PPP1R12B: variants seen among roughly 807,000 people sequenced by gnomAD.
PPP1R12B encodes protein phosphatase 1 regulatory subunit 12B.
Under a neutral mutation model 126.1 loss-of-function variants are expected in PPP1R12B, and 76 were observed. That is an observed-to-expected ratio of 0.60 (90% CI 0.50 to 0.73). The LOEUF (loss-of-function observed/expected upper bound fraction) is 0.73. Ranked by LOEUF, PPP1R12B falls within the 30% of genes least tolerant of loss-of-function variation. The pLI is 0.00. For synonymous variants in PPP1R12B, 356 were observed against 434.7 expected (o/e 0.82, Z 2.25); for missense variants, 1,052 against 1,205.1 (o/e 0.87, Z 1.88).
rs571788448 is a variant in PPP1R12B at position 202,438,996 on chromosome 1, A to G, written c.1458+972A>G. 58 of 1,477,336 alleles carry G rather than the reference A, an allele frequency of 3.9e-5. No individual in the cohort carries two copies. The South Asian group carries it at 5.9e-4, about 15-fold the overall frequency. 91.5% of individuals were successfully genotyped at this position (1,477,336 alleles called of 1,614,324 possible). On this transcript the variant is annotated intron_variant, in intron 10 of 23. Transcript: ENST00000608999. ...GGGCAGGAGCGCATGGCCCTGGCCA[A>G]CCGGAAGCAGGAGTGCGGCAGTGCC...
rs1046215996 is a variant in PPP1R12B, at chr1:202,584,037, T to C, written c.*3477T>C. 3 of 152,208 alleles carry C rather than the reference T, an allele frequency of 2.0e-5. No homozygotes were observed. The highest frequency in any genetic ancestry group is 7.2e-5 in the African/African-American group (3 of 41,452). 9.4% of individuals were successfully genotyped at this position (152,208 alleles called of 1,614,324 possible). A position where few individuals can be genotyped will look rare whatever the true frequency, so the allele number is the denominator to read the frequency against. On this transcript the variant is annotated 3_prime_UTR_variant, in exon 24 of 24. Coordinates refer to ENST00000608999, the MANE Select transcript of PPP1R12B (RefSeq NM_002481.4). ...TCCTTTTCCAGATAGCTCCAGAGTA[T>C]GATGACCCCAGCCCCATCCCAATCT...
chr1:202,422,845 G>A, intron 3 of PPP1R12B, 107 bp downstream of exon 3: 1 of 1,508,838 alleles, frequency 6.6e-7, no homozygotes, highest in Non-Finnish European at 9.0e-7. Flanking sequence ...TGACAGGAGA[G>A]GATTTGATCT....
At position 202,411,677 on chromosome 1, in the gene PPP1R12B, T is replaced by TAAAGGAGATA. The variant is rs1461745010; in HGVS notation, c.292-5109_292-5108insAAGGAGATAA. Among the ~76,000 whole-genome samples, 5 of 152,134 alleles carry TAAAGGAGATA rather than the reference T, an allele frequency of 3.3e-5. 1 individual carries two copies. The South Asian group carries it at 1.0e-3, about 31-fold the overall frequency. The stretch of plus-strand genomic sequence containing the variant: ...AAAGTCAGGAACAATTCCAAGGGCT[T>TAAAGGAGATA]ATCTCCTTTAATCTTTACAAAACCT... On this transcript the variant is annotated intron_variant, in intron 1 of 23. Transcript: ENST00000608999.
chr1:202,388,708 A>G (rs1477312315), intron 1 of PPP1R12B, among the ~76,000 whole-genome samples: 1 of 152,146 alleles, frequency 6.6e-6, no homozygotes, highest in Non-Finnish European at 1.5e-5. Flanking sequence ...GACACTTAGT[A>G]GGCTCCATAG....
intron 12 of PPP1R12B, among the ~76,000 whole-genome samples, chr1:202,446,526 T>A (rs1472747115): frequency 6.7e-6 from 1 of 148,596 alleles, no homozygotes; most frequent in Non-Finnish European, 1.5e-5. Flanking sequence ...CCCAAAGTGC[T>A]AAGATTACAG....
rs1359195565 is a variant in PPP1R12B, at chr1:202,587,029, C to T, written c.*6469C>T. The T allele has an allele frequency of 6.6e-6, 1 of 152,002 alleles. No homozygotes were observed. The highest frequency in any genetic ancestry group is 6.6e-5 in the Admixed American group (1 of 15,266). The allele number at this position is 152,002 out of a possible 1,614,324, so 9.4% of individuals were successfully genotyped here. ...TTGTTTTTCCCCCTCCCTTCTAATC[C>T]CCCAAAGGACCTATTTGAGCTGTTC... On this transcript the variant is annotated 3_prime_UTR_variant, in exon 24 of 24. Transcript: ENST00000608999.
At chr1:202,359,083 A>G (rs1657652290) in intron 1 of PPP1R12B, among the ~76,000 whole-genome samples, 1 of 152,144 alleles carries the variant, frequency 6.6e-6, no homozygotes, top group Non-Finnish European at 1.5e-5. Context: ...ATCTTGTTTC[A>G]TTTATAGATC....
intron 13 of PPP1R12B, among the ~76,000 whole-genome samples, chr1:202,481,911 A>T (rs1677437296): frequency 6.6e-6 from 1 of 151,186 alleles, no homozygotes; most frequent in South Asian, 2.1e-4. Context: ...TCTGGTAACC[A>T]CTGTTCTACT....
chr1:202,496,812 A>G lies in PPP1R12B; in HGVS notation c.2480A>G (p.Lys827Arg), dbSNP rs1679619630. ...GAAACTGATGGCTCTGAAGAGGTCA[A>G]AGAAACGTGGGTAAGTGACAAGCCA... ...EDETDGSEEV[K>R]ETWHERLSRL... The change falls in exon 18 of 24, where the codon AAA (lysine) becomes AGA (arginine). Residue 827 changes from lysine to arginine, a missense_variant. Transcript: ENST00000608999. 6.2e-7 allele frequency: 1 copy of G among 1,612,454 alleles called. No homozygotes were observed. The highest frequency in any genetic ancestry group is 1.1e-5 in the South Asian group (1 of 90,984).
intron 22 of PPP1R12B, among the ~76,000 whole-genome samples, chr1:202,568,124 TAC>T (rs1219650365): frequency 1.3e-5 from 2 of 151,896 alleles, no homozygotes; most frequent in African/African-American, 4.8e-5. Flanking sequence ...CAGAACTGCA[TAC>T]ACACACAACC....
At chr1:202,517,626 G>T (rs1457295535) in intron 18 of PPP1R12B, among the ~76,000 whole-genome samples, 2 of 129,682 alleles carry the variant, frequency 1.5e-5, no homozygotes, top group Non-Finnish European at 3.4e-5. Flanking sequence ...TTATAATGAG[G>T]TATCTTTTTT....
intron 1 of PPP1R12B, among the ~76,000 whole-genome samples, chr1:202,408,464 A>G (rs77223088): frequency 0.024 from 3,695 of 152,194 alleles, 95 homozygotes; most frequent in Admixed American, 0.086. Context: ...TACAGCTGTG[A>G]TTTTCAGTTA....
At position 202,434,901 on chromosome 1, in the gene PPP1R12B, C is replaced by T. The variant is rs190411380; in HGVS notation, c.1254+133C>T. 149 of 1,413,036 alleles carry T rather than the reference C, an allele frequency of 1.1e-4. No individual in the cohort carries two copies. The African/African-American group carries it at 2.0e-3, about 19-fold the overall frequency. 87.5% of individuals were successfully genotyped at this position (1,413,036 alleles called of 1,614,324 possible). A position where few individuals can be genotyped will look rare whatever the true frequency, so the allele number is the denominator to read the frequency against. ...TTCCTGTCATAATCTGCTCCCATAA[C>T]AAAAAACACAGGCTGGGTGGCTTAA... On this transcript the variant is annotated intron_variant, in intron 9 of 23. Transcript: ENST00000608999.
intron 23 of PPP1R12B, chr1:202,574,914 A>G: frequency 1.6e-6 from 2 of 1,284,962 alleles, no homozygotes; most frequent in Non-Finnish European, 2.1e-6. Context: ...AAGTCATGTG[A>G]TTTCTTTGTC....
chr1:202,473,819 C>G (rs1392529729), intron 13 of PPP1R12B: 1 of 470,100 alleles, frequency 2.1e-6, no homozygotes, highest in Admixed American at 2.3e-5. Flanking sequence ...AGTGGCAGTG[C>G]AAGCCTTTTC....
intron 8 of PPP1R12B, among the ~76,000 whole-genome samples, chr1:202,432,459 G>C (rs527870669): frequency 6.6e-6 from 1 of 151,980 alleles, no homozygotes; most frequent in Non-Finnish European, 1.5e-5. Context: ...GTAGAGACAG[G>C]GTTTCACTGT....
At chr1:202,482,562 T>C (rs1483569144) in intron 13 of PPP1R12B, among the ~76,000 whole-genome samples, 1 of 152,204 alleles carries the variant, frequency 6.6e-6, no homozygotes, top group Admixed American at 6.5e-5. Context: ...TCTGTTAAGG[T>C]CTTTTGCCCA....
chr1:202,558,131 G>C (rs1687140097), intron 18 of PPP1R12B, among the ~76,000 whole-genome samples: 1 of 149,208 alleles, frequency 6.7e-6, no homozygotes. Flanking sequence ...ATTTGCCAGA[G>C]TTCTTTAAAA....
At chr1:202,411,409 G>C (rs1466845012) in intron 1 of PPP1R12B, among the ~76,000 whole-genome samples, 4 of 152,004 alleles carry the variant, frequency 2.6e-5, no homozygotes, top group Non-Finnish European at 4.4e-5. Flanking sequence ...TATTCATATA[G>C]CTCCTGAATT....
Sources: gnomAD v4.1 joint callset for allele counts (sites outside exome capture counted in the v4.1 genomes callset) on GRCh38, gnomAD v4.1.1 for gene constraint, MANE v1.5 for transcripts, NCBI Gene and HGNC (gene_info 2026-07-23, HGNC 2026-07-21) for gene names.